The following MRPL2 variants were observed in gnomAD, a reference collection of about 807,000 sequenced individuals.
MRPL2 encodes mitochondrial ribosomal protein L2.
In MRPL2, 27 loss-of-function variants were observed where a neutral mutation model predicts 34.6. The observed-to-expected ratio is 0.78, with a 90% CI of 0.58 to 1.08. The LOEUF is 1.08. MRPL2 is among the 50% of genes least tolerant of loss of function. The probability of loss-of-function intolerance (pLI) is 0.00; values close to 1 mark genes in which losing one functional copy is unlikely to be tolerated. For missense variants in MRPL2, 414 were observed against 419.3 expected, an observed-to-expected ratio of 0.99 and a Z score of 0.11; for synonymous variants, 155 against 158.0, an observed-to-expected ratio of 0.98 and a Z score of 0.14.
At position 43,059,373 on chromosome 6, in the gene MRPL2, C is replaced by T; in HGVS notation, c.9G>A (p.Leu3=). Reference sequence around the variant, plus strand: ...AGCGCAGAGCGCGGGTCAGTGCGCACAGGGCCATCAGCACGACACCCTTAC... The same window carrying T: ...AGCGCAGAGCGCGGGTCAGTGCGCATAGGGCCATCAGCACGACACCCTTAC... MA[L]CALTRALRSL... Residue 3 remains leucine, a synonymous_variant, in exon 1 of 7, where the codon CTG becomes CTA. Transcript: ENST00000388752. 6.5e-7 allele frequency: 1 copy of T among 1,549,518 alleles called. No individual in the cohort carries two copies. The highest frequency in any genetic ancestry group is 8.7e-7 in the Non-Finnish European group (1 of 1,145,592).
upstream of MRPL2, chr6:43,059,494 C>T (rs1479355128): frequency 6.9e-7 from 1 of 1,448,048 alleles, no homozygotes; most frequent in Non-Finnish European, 9.1e-7. Flanking sequence ...AAACTGGAGC[C>T]CAAGCTGGAT....
chr6:43,054,633 G>A, intron 6 of MRPL2, 147 bp from the exon 7 acceptor site: 1 of 659,024 alleles, frequency 1.5e-6, no homozygotes, highest in Middle Eastern at 2.6e-4. Flanking sequence ...ACTAAGTGAA[G>A]GTCCTACAGT....
intron 5 of MRPL2, 70 bp from the exon 6 acceptor site, chr6:43,055,688 T>C (rs892704834): frequency 6.5e-7 from 1 of 1,544,948 alleles, no homozygotes; most frequent in African/African-American, 1.4e-5. Flanking sequence ...ACAGGGGACA[T>C]ACCCCACATG....
At chr6:43,057,497 A>G (rs1692588917) in intron 2 of MRPL2, 1 of 152,610 alleles carries the variant, frequency 6.6e-6, no homozygotes, top group Admixed American at 6.5e-5. Flanking sequence ...GGACTGCACC[A>G]TTACACCTGG....
At position 43,054,161 on chromosome 6, in the gene MRPL2, C is replaced by T. The variant is rs184996547; in HGVS notation, c.*113G>A. On this transcript the variant is annotated 3_prime_UTR_variant, in exon 7 of 7. Transcript: ENST00000388752. ...TTTCCCCACGTTTAGTCTGTACCAT[C>T]CCCTCCCCCGCAAAAAAAAAACAAC... 9.3e-5 allele frequency: 80 copies of T among 856,552 alleles called. No homozygotes were observed. Among genetic ancestry groups the T allele is most frequent in the African/African-American group, 8.9e-4 (50 of 56,168 alleles). The allele number at this position is 856,552 out of a possible 1,614,324, so 53.1% of individuals were successfully genotyped here.
At chr6:43,054,510 T>G (rs1475184181) in intron 6 of MRPL2, 24 bp from the exon 7 acceptor site, 1 of 1,596,594 alleles carries the variant, frequency 6.3e-7, no homozygotes, top group African/African-American at 1.3e-5. Context: ...CAGATGGAGA[T>G]TCTGTACAAT....
upstream of MRPL2, chr6:43,059,577 A>G (rs1765025195): frequency 1.4e-6 from 2 of 1,418,558 alleles, no homozygotes; most frequent in Non-Finnish European, 1.8e-6. Context: ...TGACTAGGAA[A>G]CAGGCCCCGC....
Position 43,056,228 on chromosome 6 carries a change from G to A in MRPL2, c.405-32C>T, listed in dbSNP as rs558751819. 8.7e-6 allele frequency: 14 copies of A among 1,612,374 alleles called. No homozygotes were observed. The South Asian group carries it at 9.9e-5, about 11-fold the overall frequency. On this transcript the variant is annotated intron_variant, in intron 3 of 6. Coordinates refer to ENST00000388752, the MANE Select transcript of MRPL2 (RefSeq NM_015950.5). ...AGGGTGAGGGACAGGTAAGCAGACC[G>A]TCTAGGCAGCCCCACATCTTCTGAG... is the stretch of plus-strand genomic sequence containing the variant.
intron 1 of MRPL2, 153 bp downstream of exon 1, chr6:43,059,133 T>C (rs960773696): frequency 7.1e-6 from 11 of 1,545,178 alleles, no homozygotes; most frequent in Non-Finnish European, 3.5e-6. Context: ...GCAACACTTG[T>C]AGAGGAAAAA....
At position 43,055,563 on chromosome 6, in the gene MRPL2, G is replaced by A; in HGVS notation, c.687C>T (p.Pro229=). 3 of 1,614,022 alleles carry A rather than the reference G, an allele frequency of 1.9e-6. No homozygotes were observed. Among genetic ancestry groups the A allele is most frequent in the Non-Finnish European group, 1.7e-6 (2 of 1,180,032 alleles). ...KVNGTAIIQL[P]SKRQMQVLET... ...TACACACCTGCATCTGCCTCTTAGA[G>A]GGCAGCTGGATAATGGCTGTGCCAT... Residue 229 remains proline, a synonymous_variant, in exon 6 of 7, where the codon CCC becomes CCT. Coordinates refer to ENST00000388752, the MANE Select transcript of MRPL2 (RefSeq NM_015950.5).
rs370984796 is a variant in MRPL2, at chr6:43,055,942, C to T, written c.586G>A (p.Val196Met). 12 of 1,614,068 alleles carry T rather than the reference C, an allele frequency of 7.4e-6. No homozygotes were observed. The highest frequency in any genetic ancestry group is 4.4e-5 in the South Asian group (4 of 91,080). ...ALPVGTLINN[V>M]ESEPGRGAQY... ...GCACCCCGGCCTGGCTCACTTTCCA[C>T]GTTGTTGATGAGGGTCCCCACAGGC... is the stretch of plus-strand genomic sequence containing the variant. The change falls in exon 5 of 7, where the codon GTG becomes ATG. Residue 196 changes from valine to methionine, a missense_variant. Transcript: ENST00000388752.
chr6:43,055,139 C>T (rs1051129801), intron 6 of MRPL2, among the ~76,000 whole-genome samples: 6 of 150,062 alleles, frequency 4.0e-5, no homozygotes, highest in Non-Finnish European at 1.5e-5. Flanking sequence ...CCAAGGTGGG[C>T]GGATTATGAG....
rs941824802 is a variant in MRPL2 at position 43,059,393 on chromosome 6, C to A, written c.-12G>T. The A allele has an allele frequency of 5.2e-6, 8 of 1,535,592 alleles. No individual in the cohort carries two copies. In the Admixed American group the frequency reaches 1.2e-4, roughly 23 times the overall value. ...GCGCACAGGGCCATCAGCACGACACCCTTACTTTTAGCCAAGCTGCTCGGT... is the reference window on the plus strand; with the variant it reads ...GCGCACAGGGCCATCAGCACGACACACTTACTTTTAGCCAAGCTGCTCGGT... On this transcript the variant is annotated 5_prime_UTR_variant, in exon 1 of 7. Transcript: ENST00000388752.
intron 2 of MRPL2, chr6:43,057,783 A>G: frequency 2.4e-6 from 1 of 423,766 alleles, no homozygotes; most frequent in Non-Finnish European, 4.2e-6. Context: ...CCAGCCTGTT[A>G]TAAATTTTTG....
chr6:43,059,246 C>A (rs781399463), intron 1 of MRPL2, 40 bp downstream of exon 1: 1 of 1,551,162 alleles, frequency 6.4e-7, no homozygotes, highest in South Asian at 1.2e-5. Context: ...CTCCGGCAGC[C>A]CGAATGGAAG....
rs533321461 is a variant in MRPL2, at chr6:43,059,226, C to T, written c.96+60G>A. ...TCGCAACTCCCGCCTCGCATGCCCG[C>T]AGACCCCATCTCCGGCAGCCCGAAT... On this transcript the variant is annotated intron_variant, in intron 1 of 6. Coordinates refer to ENST00000388752, the MANE Select transcript of MRPL2 (RefSeq NM_015950.5). 96 of 1,551,096 alleles carry T rather than the reference C, an allele frequency of 6.2e-5. 1 individual carries two copies. The South Asian group carries it at 1.1e-3, about 17-fold the overall frequency.
intron 1 of MRPL2, chr6:43,058,979 A>G (rs1764984709): frequency 3.0e-6 from 2 of 677,140 alleles, no homozygotes; most frequent in South Asian, 4.0e-5. Context: ...ATTTGAAAGG[A>G]GTTCATTTAT....
chr6:43,059,768 C>T (rs1005767494), upstream of MRPL2: 341 of 1,196,650 alleles, frequency 2.8e-4, no homozygotes, highest in Non-Finnish European at 1.9e-4. Flanking sequence ...GATGAACAAA[C>T]CCCCTCCAAC....
At position 43,054,195 on chromosome 6, in the gene MRPL2, A is replaced by C. The variant is rs1764720220; in HGVS notation, c.*79T>G. On this transcript the variant is annotated 3_prime_UTR_variant, in exon 7 of 7. Coordinates refer to ENST00000388752, the MANE Select transcript of MRPL2 (RefSeq NM_015950.5). ...CGCAAAAAAAAAACAACAACAAAAA[A>C]AACAAAAAACACCCAAAACAAAACC... is the stretch of plus-strand genomic sequence containing the variant. 6 of 1,153,362 alleles carry C rather than the reference A, an allele frequency of 5.2e-6. No homozygotes were observed. Among genetic ancestry groups the C allele is most frequent in the Admixed American group, 2.3e-5 (1 of 43,140 alleles). 71.4% of individuals were successfully genotyped at this position (1,153,362 alleles called of 1,614,324 possible).
Sources: gnomAD v4.1 joint callset for allele counts (sites outside exome capture counted in the v4.1 genomes callset) on GRCh38, gnomAD v4.1.1 for gene constraint, MANE v1.5 for transcripts, NCBI Gene and HGNC (gene_info 2026-07-23, HGNC 2026-07-21) for gene names.